The following SWAP70 variants were observed in gnomAD, a reference collection of about 807,000 sequenced individuals.
SWAP70 encodes switching B cell complex subunit SWAP70.
SWAP70 carries 34 observed loss-of-function variants against 80.2 expected under a neutral mutation model. That is an observed-to-expected ratio of 0.42 (90% CI 0.32 to 0.56). The LOEUF is 0.56. Among genes scored for constraint, SWAP70 ranks in the 20% least tolerant of loss-of-function variants. The pLI is 0.09. For missense variants in SWAP70, 578 were observed against 690.7 expected, an observed-to-expected ratio of 0.84 and a Z score of 1.83; for synonymous variants, 239 against 238.5, an observed-to-expected ratio of 1.00 and a Z score of -0.02.
chr11:9,683,363 C>G (rs1389979182), intron 1 of SWAP70, among the ~76,000 whole-genome samples: 1 of 151,854 alleles, frequency 6.6e-6, no homozygotes, highest in Non-Finnish European at 1.5e-5. Context: ...CTGTGGTGAG[C>G]CCAGATCGAG....
intron 7 of SWAP70, among the ~76,000 whole-genome samples, chr11:9,735,199 G>T (rs372846144): frequency 7.2e-5 from 11 of 152,144 alleles, no homozygotes; most frequent in African/African-American, 2.2e-4. Context: ...CCTTGCCCAA[G>T]GTAAGGAAAT....
At chr11:9,675,775 C>T (rs1039707300) in intron 1 of SWAP70, among the ~76,000 whole-genome samples, 9 of 151,974 alleles carry the variant, frequency 5.9e-5, no homozygotes, top group African/African-American at 1.7e-4. Context: ...GCAATCTGTG[C>T]ACCTTCTACC....
intron 4 of SWAP70, among the ~76,000 whole-genome samples, chr11:9,725,448 C>G (rs1425076981): frequency 7.0e-6 from 1 of 143,044 alleles, no homozygotes; most frequent in African/African-American, 2.6e-5. Context: ...CTTTGGGAGG[C>G]TGAGGCGGGT....
At chr11:9,700,359 G>A (rs895951543) in intron 2 of SWAP70, among the ~76,000 whole-genome samples, 7 of 152,240 alleles carry the variant, frequency 4.6e-5, no homozygotes, top group African/African-American at 4.8e-5. Flanking sequence ...TCCATGGTTT[G>A]AGTTTAAATT....
chr11:9,742,914 T>C (rs1156548682), intron 9 of SWAP70, among the ~76,000 whole-genome samples: 1 of 151,436 alleles, frequency 6.6e-6, no homozygotes, highest in Non-Finnish European at 1.5e-5. Context: ...TTATTATTAT[T>C]ATACTTTAAG....
intron 1 of SWAP70, among the ~76,000 whole-genome samples, chr11:9,689,126 C>T (rs1418141220): frequency 1.3e-5 from 2 of 152,132 alleles, no homozygotes; most frequent in Non-Finnish European, 2.9e-5. Flanking sequence ...GCCCATTACG[C>T]ACATCCTGTA....
At chr11:9,664,726 C>G (rs1477916929) in intron 1 of SWAP70, among the ~76,000 whole-genome samples, 1 of 152,174 alleles carries the variant, frequency 6.6e-6, no homozygotes, top group Non-Finnish European at 1.5e-5. Flanking sequence ...AGCCCACAGC[C>G]CCACACCAGG....
chr11:9,708,109 G>A (rs1235398322), intron 2 of SWAP70, among the ~76,000 whole-genome samples: 2 of 152,122 alleles, frequency 1.3e-5, no homozygotes, highest in African/African-American at 2.4e-5. Context: ...GTATAGGTGT[G>A]CAAATGTCTC....
chr11:9,747,403 A>G (rs182164095), intron 9 of SWAP70, among the ~76,000 whole-genome samples: 1 of 152,364 alleles, frequency 6.6e-6, no homozygotes, highest in East Asian at 1.9e-4. Flanking sequence ...GGTTTTTACT[A>G]GATGAAAATG....
At chr11:9,708,627 T>C (rs1346655651) in intron 2 of SWAP70, among the ~76,000 whole-genome samples, 3 of 152,222 alleles carry the variant, frequency 2.0e-5, no homozygotes, top group African/African-American at 7.2e-5. Flanking sequence ...TTTCCAGCTG[T>C]ATATCTAGCC....
chr11:9,693,039 T>G (rs563703519), intron 1 of SWAP70, among the ~76,000 whole-genome samples: 79 of 152,306 alleles, frequency 5.2e-4, no homozygotes, highest in African/African-American at 1.9e-3. Context: ...ATGTTTAATC[T>G]TAAAAAAACT....
At chr11:9,720,442 A>G (rs1406699121) in intron 3 of SWAP70, 1 of 985,342 alleles carries the variant, frequency 1.0e-6, no homozygotes, top group African/African-American at 1.7e-5. Context: ...GATTTTGAAG[A>G]AACTGAAGCT....
intron 4 of SWAP70, chr11:9,725,185 C>T (rs771398572): frequency 1.1e-4 from 26 of 242,708 alleles, no homozygotes; most frequent in Non-Finnish European, 2.0e-4. Flanking sequence ...ACCATGTTGG[C>T]CAGGCTGGTC....
Position 9,748,066 on chromosome 11 carries a change from C to T in SWAP70, c.1554+10C>T, listed in dbSNP as rs779744344. ...ACTTGAGCAGTACGAGGTAATGAGA[C>T]TTGGCCCTGCAAACTTGTATATTTA... On this transcript the variant is annotated intron_variant, in intron 10 of 11. Coordinates refer to ENST00000318950, the MANE Select transcript of SWAP70 (RefSeq NM_015055.4). 6.2e-7 allele frequency: 1 copy of T among 1,610,666 alleles called. No homozygotes were observed. The highest frequency in any genetic ancestry group is 2.2e-5 in the East Asian group (1 of 44,798).
intron 7 of SWAP70, among the ~76,000 whole-genome samples, chr11:9,735,995 G>A (rs1310364402): frequency 6.6e-6 from 1 of 151,898 alleles, no homozygotes; most frequent in Non-Finnish European, 1.5e-5. Flanking sequence ...TTATGCAAAT[G>A]TTGGTGCACA....
intron 9 of SWAP70, 98 bp from the exon 10 acceptor site, chr11:9,747,760 A>C (rs1590051577): frequency 1.8e-6 from 2 of 1,142,546 alleles, no homozygotes; most frequent in East Asian, 2.3e-5. Flanking sequence ...GGATTAGACG[A>C]CCTCAAATAT....
intron 3 of SWAP70, among the ~76,000 whole-genome samples, chr11:9,717,381 C>T (rs568851748): frequency 4.0e-4 from 61 of 152,232 alleles, no homozygotes; most frequent in South Asian, 1.0e-3. Context: ...AGCCTATAAT[C>T]CCAGCACTTT....
chr11:9,695,781 T>G (rs1239594938), intron 2 of SWAP70, among the ~76,000 whole-genome samples: 17 of 152,092 alleles, frequency 1.1e-4, no homozygotes, highest in Admixed American at 1.1e-3. Context: ...AAAAAAAATC[T>G]GGTTTCATAT....
chr11:9,750,539 C>T lies in SWAP70; in HGVS notation c.*569C>T, dbSNP rs1030425928. 3.9e-5 allele frequency: 6 copies of T among 152,334 alleles called. No individual in the cohort carries two copies. The highest frequency in any genetic ancestry group is 1.4e-4 in the African/African-American group (6 of 41,438). The allele number at this position is 152,334 out of a possible 1,614,324, so 9.4% of individuals were successfully genotyped here. On this transcript the variant is annotated 3_prime_UTR_variant, in exon 12 of 12. Transcript: ENST00000318950. ...TTTACTCTTTCTTTGAAAACATCACCTTCTGAAATTTGTCTTTTAGCTCTC... is the reference window on the plus strand; with the variant it reads ...TTTACTCTTTCTTTGAAAACATCACTTTCTGAAATTTGTCTTTTAGCTCTC...
Sources: allele counts gnomAD v4.1 joint callset (sites outside exome capture counted in the v4.1 genomes callset), GRCh38; gene constraint gnomAD v4.1.1; transcripts MANE v1.5; gene names NCBI Gene and HGNC (gene_info 2026-07-23, HGNC 2026-07-21).